Variants in NLRP11 observed in about 807,000 individuals in gnomAD.
The protein encoded by NLRP11 is NLR family pyrin domain containing 11.
Under a neutral mutation model 79.3 loss-of-function variants are expected in NLRP11, and 53 were observed. That is an observed-to-expected ratio of 0.67 (90% confidence interval 0.54 to 0.84). NLRP11 has a LOEUF of 0.84. Among genes scored for constraint, NLRP11 ranks in the 40% least tolerant of loss-of-function variants. The probability of loss-of-function intolerance (pLI) is 0.00; values close to 1 mark genes in which losing one functional copy is unlikely to be tolerated. For synonymous variants in NLRP11, 518 were observed against 462.6 expected, an observed-to-expected ratio of 1.12 and a Z score of -1.54; for missense variants, 1,264 against 1,255.0, an observed-to-expected ratio of 1.01 and a Z score of -0.11.
chr19:55,818,223 A>G lies in NLRP11; in HGVS notation c.-49T>C, dbSNP rs760251481. The G allele has an allele frequency of 7.5e-6, 11 of 1,464,014 alleles. No homozygotes were observed. In the East Asian group the frequency reaches 2.5e-4, roughly 33 times the overall value. 90.7% of individuals were successfully genotyped at this position (1,464,014 alleles called of 1,614,324 possible). On this transcript the variant is annotated 5_prime_UTR_variant, in exon 2 of 10. Transcript: ENST00000589093. ...CTTCAGAGAAGGGATTTTGAGGCAC[A>G]AGAAATATGAGATCTAAAAATAGAT...
At chr19:55,817,820 GAAAAA>G (rs10632108) in intron 2 of NLRP11, 79 bp downstream of exon 2, 25 of 835,364 alleles carry the variant, frequency 3.0e-5, no homozygotes, top group Non-Finnish European at 3.0e-5. Flanking sequence ...AACCTATTTA[GAAAAA>G]AAAAAAAAAA....
rs58239530 is a variant in NLRP11, at chr19:55,788,741, C to CAAAAAAAAAAAAAA, written c.2855+52_2855+65dup. 7.9e-6 allele frequency: 3 copies of CAAAAAAAAAAAAAA among 380,438 alleles called. No homozygotes were observed. In the African/African-American group the frequency reaches 1.8e-4, roughly 23 times the overall value. 23.6% of individuals were successfully genotyped at this position (380,438 alleles called of 1,614,324 possible). Reference sequence around the variant, plus strand: ...GGCAACAGAGTGAGACTCTGTCTCTCAAAAAAAAAAAAAAAAAAAAAAAAA... The same window carrying CAAAAAAAAAAAAAA: ...GGCAACAGAGTGAGACTCTGTCTCTCAAAAAAAAAAAAAAAAAAAAAAAAAAAAAAAAAAAAAAA... On this transcript the variant is annotated intron_variant, in intron 9 of 9. Transcript: ENST00000589093.
chr19:55,795,615 A>C (rs1291751029), intron 6 of NLRP11, among the ~76,000 whole-genome samples: 2 of 151,870 alleles, frequency 1.3e-5, no homozygotes, highest in African/African-American at 4.8e-5. Context: ...TCAGCCTCTC[A>C]AGCAGCTGGG....
At chr19:55,834,890 A>T (rs1381823189), upstream of NLRP11, among the ~76,000 whole-genome samples, 1 of 152,236 alleles carries the variant, frequency 6.6e-6, no homozygotes, top group Non-Finnish European at 1.5e-5. Flanking sequence ...TGAGGAAAAC[A>T]AAACATATCT....
chr19:55,824,265 G>A lies in NLRP11; in HGVS notation c.-62-6029C>T, dbSNP rs904216669. 1.5e-3 allele frequency among the ~76,000 whole-genome samples: 217 copies of A among 147,802 alleles called. 2 individuals carry two copies. In the South Asian group the frequency reaches 0.033, roughly 22 times the overall value. On this transcript the variant is annotated intron_variant, in intron 1 of 9. Coordinates refer to ENST00000589093, the Ensembl canonical transcript of NLRP11. ...CCCTAAAAGAGCTCCTGAAGGAAGC[G>A]CTAAACATGGAAAGGAACAACTGGT...
chr19:55,832,478 C>T (rs1982893486), upstream of NLRP11, among the ~76,000 whole-genome samples: 1 of 152,208 alleles, frequency 6.6e-6, no homozygotes, highest in South Asian at 2.1e-4. Flanking sequence ...GAGGCACGTC[C>T]TAGATCCTCC....
At chr19:55,821,783 T>C (rs1981765890) in intron 1 of NLRP11, among the ~76,000 whole-genome samples, 1 of 151,846 alleles carries the variant, frequency 6.6e-6, no homozygotes, top group Non-Finnish European at 1.5e-5. Flanking sequence ...GGAGAACCCA[T>C]TAACATTGTT....
At chr19:55,831,906 A>G (rs960519276) in intron 1 of NLRP11, 57 bp downstream of exon 1, 1 of 152,240 alleles carries the variant, frequency 6.6e-6, no homozygotes, top group East Asian at 1.9e-4. Flanking sequence ...CCAATGTAAC[A>G]TAATAAAAAA....
At chr19:55,795,986 C>G in intron 6 of NLRP11, 94 bp downstream of exon 6, 2 of 1,142,594 alleles carry the variant, frequency 1.8e-6, no homozygotes, top group Non-Finnish European at 2.5e-6. Flanking sequence ...CTTTGCTTTG[C>G]TGTCCCTTTC....
intron 5 of NLRP11, among the ~76,000 whole-genome samples, chr19:55,798,005 T>TA (rs1472445190): frequency 4.0e-5 from 6 of 151,196 alleles, no homozygotes; most frequent in African/African-American, 9.7e-5. Context: ...TATTATTTTT[T>TA]TTTTTTTTGA....
At chr19:55,819,870 G>A (rs1200144046) in intron 1 of NLRP11, among the ~76,000 whole-genome samples, 7 of 152,144 alleles carry the variant, frequency 4.6e-5, no homozygotes, top group Admixed American at 4.6e-4. Flanking sequence ...TACCTGAAGG[G>A]AAGAAGTAGG....
chr19:55,808,683 G>T, intron 3 of NLRP11, 86 bp downstream of exon 3: 2 of 1,260,382 alleles, frequency 1.6e-6, no homozygotes, highest in South Asian at 1.5e-5. Context: ...ATGGCCCCGA[G>T]TTTGTCTTGT....
intron 7 of NLRP11, 68 bp downstream of exon 7, chr19:55,792,233 C>T (rs1978334837): frequency 7.1e-7 from 1 of 1,409,826 alleles, no homozygotes; most frequent in South Asian, 1.2e-5. Flanking sequence ...ATCCCTGCCA[C>T]CAACCCCACC....
At chr19:55,798,125 G>C (rs887658441) in intron 5 of NLRP11, 1 of 153,608 alleles carries the variant, frequency 6.5e-6, no homozygotes. Context: ...TGAGACTCCC[G>C]AGTAGCTGGG....
intron 6 of NLRP11, among the ~76,000 whole-genome samples, chr19:55,795,027 C>T (rs759069826): frequency 2.0e-5 from 3 of 152,114 alleles, no homozygotes; most frequent in Admixed American, 6.6e-5. Flanking sequence ...GAATTGTGAA[C>T]GGGGAATCAT....
chr19:55,785,597 T>C, exon 10 of NLRP11: 1 of 1,585,844 alleles, frequency 6.3e-7, no homozygotes, highest in Non-Finnish European at 8.6e-7. Context: ...TAGTAATTTA[T>C]AATAAATACT....
In NLRP11 at chr19:55,801,767, A is replaced by G. The variant is rs117639227; in HGVS notation, c.2004-28T>C. On this transcript the variant is annotated intron_variant, in intron 4 of 9. Transcript: ENST00000589093. ...GTGGAAGACATAATAGCAGGAAAGC[A>G]CTAGTGAAGGTCTGAACATCTTCTC... 9.7e-3 allele frequency: 15,536 copies of G among 1,606,194 alleles called. 89 individuals are homozygous for G. Among genetic ancestry groups the G allele is most frequent in the Non-Finnish European group, 0.012 (14,133 of 1,173,078 alleles).
intron 1 of NLRP11, among the ~76,000 whole-genome samples, chr19:55,818,450 A>T (rs1981358772): frequency 6.6e-6 from 1 of 152,224 alleles, no homozygotes; most frequent in East Asian, 1.9e-4. Context: ...AGTTGTGTTA[A>T]AAGGCAACAT....
chr19:55,817,846 AC>A (rs1321238974), intron 2 of NLRP11, 57 bp downstream of exon 2: 4 of 1,362,524 alleles, frequency 2.9e-6, no homozygotes, highest in Non-Finnish European at 4.0e-6. Flanking sequence ...AAGGCCCAAC[AC>A]CCAGCTTCCT....
Sources: allele counts gnomAD v4.1 joint callset (sites outside exome capture counted in the v4.1 genomes callset), GRCh38; gene constraint gnomAD v4.1.1; transcripts MANE v1.5; gene names NCBI Gene and HGNC (gene_info 2026-07-23, HGNC 2026-07-21).